TANC2: variants seen among roughly 807,000 people sequenced by gnomAD.
TANC2 encodes protein TANC2.
A neutral mutation model predicts 210.5 loss-of-function variants in TANC2; 26 were observed. That is an observed-to-expected ratio of 0.12 (90% CI 0.09 to 0.17). The LOEUF is 0.17. Among genes scored for constraint, TANC2 ranks in the 10% least tolerant of loss-of-function variants. The pLI is 1.00. For missense variants in TANC2, 2,129 were observed against 2,608.9 expected (o/e 0.82, Z 4.01); for synonymous variants, 931 against 967.1 (o/e 0.96, Z 0.69).
At chr17:63,109,581 T>A (rs2037956048) in intron 4 of TANC2, among the ~76,000 whole-genome samples, 1 of 151,680 alleles carries the variant, frequency 6.6e-6, no homozygotes, top group African/African-American at 2.4e-5. Context: ...TTAGCTAAAC[T>A]TACAAGTAAT....
intron 7 of TANC2, among the ~76,000 whole-genome samples, chr17:63,227,585 C>T (rs978162222): frequency 3.0e-4 from 46 of 152,198 alleles, no homozygotes; most frequent in African/African-American, 7.2e-4. Context: ...TAGTTTCTTT[C>T]GCTGTGCAAA....
Position 63,420,256 on chromosome 17 carries a change from T to A in TANC2, c.4526T>A (p.Ile1509Asn), listed in dbSNP as rs750702865. 1 of 1,613,592 alleles carries A rather than the reference T, an allele frequency of 6.2e-7. No homozygotes were observed. The highest frequency in any genetic ancestry group is 1.3e-5 in the African/African-American group (1 of 74,924). ...GAACAGGATGTTGAAAATGTTTCCA[T>A]TGGCCTCCAGACAGAGGCCCGGCCC... The change falls in exon 28 of 28, where the codon ATT becomes AAT. Residue 1509 changes from isoleucine (I) to asparagine (N), a missense_variant. Ile to Asn is a moderately radical substitution (Grantham distance 149, BLOSUM62 -3). Around this residue, in one of 5 missense-constraint regions of TANC2, gnomAD observed 584 missense variants for 627.3 expected, o/e 0.93. Coordinates refer to ENST00000689528, the Ensembl canonical transcript of TANC2. This position sits in a 1 kb window ranked among gnomAD's most constrained non-coding sequence, Gnocchi z 4.2.
chr17:63,034,444 C>T (rs192251968), intron 2 of TANC2, among the ~76,000 whole-genome samples: 3 of 152,250 alleles, frequency 2.0e-5, no homozygotes, highest in African/African-American at 4.8e-5. Flanking sequence ...CTCATGCCTG[C>T]GAACACAACA....
intron 8 of TANC2, among the ~76,000 whole-genome samples, chr17:63,242,160 A>G (rs941089422): frequency 2.0e-5 from 3 of 152,148 alleles, no homozygotes; most frequent in African/African-American, 7.2e-5. Flanking sequence ...TCTTAAACAG[A>G]CATATCTCTT....
At chr17:63,025,459 A>T (rs935228656) in intron 2 of TANC2, among the ~76,000 whole-genome samples, 5 of 152,098 alleles carry the variant, frequency 3.3e-5, no homozygotes, top group Non-Finnish European at 7.4e-5. Flanking sequence ...AGTGAAGGCT[A>T]TTGAAGAATT....
intron 4 of TANC2, among the ~76,000 whole-genome samples, chr17:63,119,100 A>G (rs947613370): frequency 4.6e-5 from 7 of 151,988 alleles, no homozygotes; most frequent in Middle Eastern, 3.4e-3. Flanking sequence ...AATTTTTTTA[A>G]AACATTTTTA....
intron 3 of TANC2, among the ~76,000 whole-genome samples, chr17:63,091,288 G>T (rs1451531470): frequency 6.6e-6 from 1 of 152,148 alleles, no homozygotes; most frequent in East Asian, 1.9e-4. Flanking sequence ...CCTTGACCAT[G>T]CCTGTGTCCT....
At chr17:63,242,241 A>G (rs915019209) in intron 8 of TANC2, among the ~76,000 whole-genome samples, 1 of 152,154 alleles carries the variant, frequency 6.6e-6, no homozygotes, top group Admixed American at 6.6e-5. Flanking sequence ...CTGTACTCCT[A>G]TAAAAGCCCG....
chr17:63,358,616 G>A (rs1379145568), intron 14 of TANC2, among the ~76,000 whole-genome samples: 1 of 152,002 alleles, frequency 6.6e-6, no homozygotes, highest in South Asian at 2.1e-4. Context: ...TCTTGGGCAC[G>A]GAGATATCAG....
chr17:62,990,693 A>G (rs1332849468), intron 1 of TANC2, among the ~76,000 whole-genome samples: 3 of 152,168 alleles, frequency 2.0e-5, no homozygotes, highest in Non-Finnish European at 4.4e-5. Context: ...TCCTGGGTGA[A>G]TGAGTGGGAG....
chr17:63,291,133 G>A (rs1046993475), intron 9 of TANC2, among the ~76,000 whole-genome samples: 1 of 152,152 alleles, frequency 6.6e-6, no homozygotes, highest in Non-Finnish European at 1.5e-5. Flanking sequence ...TAGTATCCAA[G>A]TCTTACCTGT....
intron 4 of TANC2, among the ~76,000 whole-genome samples, chr17:63,106,108 C>T (rs2037813127): frequency 6.6e-6 from 1 of 151,438 alleles, no homozygotes; most frequent in Non-Finnish European, 1.5e-5. Context: ...AAAGATTAGG[C>T]TATTGTAAAA....
chr17:63,118,944 G>A lies in TANC2; in HGVS notation c.322+19587G>A, dbSNP rs540587558. 1.9e-4 allele frequency among the ~76,000 whole-genome samples: 29 copies of A among 151,868 alleles called. No homozygotes were observed. In the South Asian group the frequency reaches 5.0e-3, roughly 26 times the overall value. On this transcript the variant is annotated intron_variant, in intron 4 of 27. Coordinates refer to ENST00000689528, the Ensembl canonical transcript of TANC2. Reference sequence around the variant, plus strand: ...ACTACAGGCGCCCACCACCACGCCCGGCTAATTTTTGTATTTTTAGTAGAG... The same window carrying A: ...ACTACAGGCGCCCACCACCACGCCCAGCTAATTTTTGTATTTTTAGTAGAG...
chr17:63,238,942 C>T (rs1158849822), intron 8 of TANC2, among the ~76,000 whole-genome samples: 3 of 152,088 alleles, frequency 2.0e-5, no homozygotes, highest in Non-Finnish European at 4.4e-5. Context: ...CCCCATGATC[C>T]AATCACCTCC....
At chr17:63,311,074 T>A (rs1465764355) in intron 9 of TANC2, among the ~76,000 whole-genome samples, 1 of 152,218 alleles carries the variant, frequency 6.6e-6, no homozygotes, top group East Asian at 1.9e-4. Flanking sequence ...TTAATCTCTT[T>A]TTGCCTCTGT....
At chr17:63,207,220 T>C (rs1220018011) in intron 7 of TANC2, among the ~76,000 whole-genome samples, 3 of 141,488 alleles carry the variant, frequency 2.1e-5, no homozygotes, top group Non-Finnish European at 3.1e-5. Flanking sequence ...CCTTTTTTTT[T>C]TTTTTTTTTT....
chr17:63,138,065 G>A (rs749575252), intron 4 of TANC2, among the ~76,000 whole-genome samples: 3 of 152,076 alleles, frequency 2.0e-5, no homozygotes, highest in Admixed American at 6.6e-5. Context: ...GCTTGAAGGA[G>A]GTATGATTGG....
intron 2 of TANC2, among the ~76,000 whole-genome samples, chr17:63,010,183 G>T (rs1445971474): frequency 1.3e-5 from 2 of 152,060 alleles, no homozygotes; most frequent in Non-Finnish European, 2.9e-5. Flanking sequence ...ATGAGTGGTA[G>T]ACTTTTGTAT....
intron 9 of TANC2, among the ~76,000 whole-genome samples, chr17:63,275,797 C>T (rs898102468): frequency 1.3e-5 from 2 of 152,096 alleles, no homozygotes; most frequent in Admixed American, 1.3e-4. Flanking sequence ...GTTCCCCTCA[C>T]CCCCAACCAG....
Sources: gnomAD v4.1 joint callset for allele counts (sites outside exome capture counted in the v4.1 genomes callset) on GRCh38, gnomAD v4.1.1 for gene constraint, gnomAD v4.1.1 regional missense constraint, Gnocchi (gnomAD v3.1) non-coding constraint, MANE v1.5 for transcripts, NCBI Gene and HGNC (gene_info 2026-07-23, HGNC 2026-07-21) for gene names.